Variants in ZSCAN12 observed in about 807,000 individuals in gnomAD.
ZSCAN12 encodes the protein zinc finger and SCAN domain containing 12.
ZSCAN12 carries 18 observed loss-of-function variants against 23.4 expected under a neutral mutation model. The ratio of observed to expected loss-of-function variants is 0.77; its 90% CI spans 0.53 to 1.14. ZSCAN12 has a LOEUF of 1.14. Among genes scored for constraint, ZSCAN12 ranks in the 50% most tolerant of loss-of-function variants. The probability of loss-of-function intolerance (pLI) is 0.00; values close to 1 mark genes in which losing one functional copy is unlikely to be tolerated. For synonymous variants in ZSCAN12, 186 were observed against 253.4 expected, an observed-to-expected ratio of 0.73 and a Z score of 2.53; for missense variants, 650 against 735.0, an observed-to-expected ratio of 0.88 and a Z score of 1.34.
chr6:28,391,861 G>C lies in ZSCAN12; in HGVS notation c.548-119C>G, dbSNP rs1760856991. 3.7e-6 allele frequency: 3 copies of C among 820,550 alleles called. No homozygotes were observed. Among genetic ancestry groups the C allele is most frequent in the African/African-American group, 1.7e-5 (1 of 57,700 alleles). 50.8% of individuals were successfully genotyped at this position (820,550 alleles called of 1,614,324 possible). A position where few individuals can be genotyped will look rare whatever the true frequency, so the allele number is the denominator to read the frequency against. On this transcript the variant is annotated intron_variant, in intron 3 of 3. Transcript: ENST00000684592. The surrounding 1 kb of genome is among the most constrained non-coding windows in gnomAD (Gnocchi z 4.1). Reference sequence around the variant, plus strand: ...GAGTCTACCATCTTAGTGATAAAGAGAGCAAAATATATTTGTTTCAATATG... The same window carrying C: ...GAGTCTACCATCTTAGTGATAAAGACAGCAAAATATATTTGTTTCAATATG...
rs981477303 is a variant in ZSCAN12, at chr6:28,387,099, A to G, written c.*3355T>C. Among the ~76,000 whole-genome samples the G allele has an allele frequency of 1.4e-4, 21 of 152,330 alleles. No homozygotes were observed. Among genetic ancestry groups the G allele is most frequent in the African/African-American group, 4.3e-4 (18 of 41,574 alleles). On this transcript the variant is annotated 3_prime_UTR_variant, in exon 4 of 4. Coordinates refer to ENST00000684592, the MANE Select transcript of ZSCAN12 (RefSeq NM_001163391.2). ...CTCGGCCTCCCAAAGTGCTGGGATT[A>G]TAAGTGTGAGCCACTGCACCCAGCC...
Position 28,392,951 on chromosome 6 carries a change from T to A in ZSCAN12, c.498A>T (p.Lys166Asn). Reference sequence around the variant, plus strand: ...CTGGAGATTCATACTTTGGCTGGGCTTTCATGGACTGGAGGGACATACTGG... The same window carrying A: ...CTGGAGATTCATACTTTGGCTGGGCATTCATGGACTGGAGGGACATACTGG... Reference protein sequence around the residue: ...GEPSMSLQSMKAQPKYESPEL... With the variant: ...GEPSMSLQSMNAQPKYESPEL... Residue 166 changes from lysine (K) to asparagine (N), a missense_variant, in exon 3 of 4, where the codon AAA becomes AAT. Transcript: ENST00000684592. The A allele has an allele frequency of 6.4e-7, 1 of 1,552,252 alleles. No individual in the cohort carries two copies. Among genetic ancestry groups the A allele is most frequent in the Non-Finnish European group, 8.7e-7 (1 of 1,147,096 alleles).
rs1186893333 is a variant in ZSCAN12 at position 28,391,356 on chromosome 6, G to A, written c.934C>T (p.Arg312Cys). The A allele has an allele frequency of 1.9e-6, 3 of 1,552,058 alleles. No homozygotes were observed. The highest frequency in any genetic ancestry group is 2.0e-5 in the Admixed American group (1 of 51,004). The change falls in exon 4 of 4, where the codon CGT (arginine) becomes TGT (cysteine). Residue 312 changes from arginine (R) to cysteine (C), a missense_variant. By Grantham distance (180) the Arg-to-Cys change is radical. Transcript: ENST00000684592. This position sits in a 1 kb window ranked among gnomAD's most constrained non-coding sequence, Gnocchi z 4.1. ...YKCEECGKAF[R>C]GRTVLIRHKI... Reference sequence around the variant, plus strand: ...TGTCGAATAAGCACAGTTCTCCCACGGAAAGCTTTTCCACATTCTTCGCAT... The same window carrying A: ...TGTCGAATAAGCACAGTTCTCCCACAGAAAGCTTTTCCACATTCTTCGCAT...
At chr6:28,392,639 AAGG>A (rs1260976980) in intron 3 of ZSCAN12, among the ~76,000 whole-genome samples, 13 of 152,216 alleles carry the variant, frequency 8.5e-5, no homozygotes, top group African/African-American at 3.1e-4. Flanking sequence ...TAAAAATAGC[AAGG>A]AGGTCAGTAT....
At chr6:28,393,301 CT>C (rs1015808903) in intron 2 of ZSCAN12, among the ~76,000 whole-genome samples, 5 of 150,886 alleles carry the variant, frequency 3.3e-5, no homozygotes, top group African/African-American at 1.2e-4. Flanking sequence ...TTATCTTATG[CT>C]TAAAGAAGTG....
At chr6:28,393,905 T>C (rs544808187) in intron 2 of ZSCAN12, among the ~76,000 whole-genome samples, 92 of 152,296 alleles carry the variant, frequency 6.0e-4, no homozygotes, top group Middle Eastern at 3.4e-3. Flanking sequence ...TTATTTTCTA[T>C]TTATCCAAGA....
intron 3 of ZSCAN12, 120 bp downstream of exon 3, chr6:28,392,782 C>A: frequency 8.9e-7 from 1 of 1,118,682 alleles, no homozygotes. Context: ...TATGAGCCAT[C>A]AGATTCTGAG....
chr6:28,392,937 T>C lies in ZSCAN12; in HGVS notation c.512A>G (p.Tyr171Cys). 1 of 1,552,290 alleles carries C rather than the reference T, an allele frequency of 6.4e-7. No homozygotes were observed. Among genetic ancestry groups the C allele is most frequent in the Non-Finnish European group, 8.7e-7 (1 of 1,147,102 alleles). The part of the protein sequence containing the change: ...SLQSMKAQPK[Y>C]ESPELESQQE... Reference sequence around the variant, plus strand: ...TTGGGATTCAAGTTCTGGAGATTCATACTTTGGCTGGGCTTTCATGGACTG... The same window carrying C: ...TTGGGATTCAAGTTCTGGAGATTCACACTTTGGCTGGGCTTTCATGGACTG... Residue 171 changes from tyrosine to cysteine, a missense_variant, in exon 3 of 4, where the codon TAT becomes TGT. Coordinates refer to ENST00000684592, the MANE Select transcript of ZSCAN12 (RefSeq NM_001163391.2).
At position 28,396,996 on chromosome 6, in the gene ZSCAN12, T is replaced by G. The variant is rs922390182; in HGVS notation, c.402+1008A>C. Among the ~76,000 whole-genome samples the G allele has an allele frequency of 5.9e-5, 9 of 152,338 alleles. No homozygotes were observed. The East Asian group carries it at 1.7e-3, about 29-fold the overall frequency. Reference sequence around the variant, plus strand: ...CACAGTGCTAGATTATACTTCTGTTTCATTATTTCCCTAAGTTTCAAACTC... The same window carrying G: ...CACAGTGCTAGATTATACTTCTGTTGCATTATTTCCCTAAGTTTCAAACTC... On this transcript the variant is annotated intron_variant, in intron 2 of 3. Transcript: ENST00000684592.
chr6:28,381,829 A>T (rs552057022), downstream of ZSCAN12: 31 of 152,362 alleles, frequency 2.0e-4, no homozygotes, highest in African/African-American at 6.3e-4. Context: ...TGAGACCTAA[A>T]GGCAATGTGA....
chr6:28,381,888 A>T (rs924799082), downstream of ZSCAN12: 7 of 152,216 alleles, frequency 4.6e-5, no homozygotes, highest in Admixed American at 1.3e-4. Flanking sequence ...CTAAGTTAAA[A>T]CACCCAACAA....
At chr6:28,380,980 G>T (rs927703988), downstream of ZSCAN12, 1 of 152,252 alleles carries the variant, frequency 6.6e-6, no homozygotes, top group Non-Finnish European at 1.5e-5. Flanking sequence ...TAAAGTGCAT[G>T]CCTTTTCTAA....
chr6:28,382,691 ACT>A (rs1760321726), downstream of ZSCAN12: 1 of 1,471,190 alleles, frequency 6.8e-7, no homozygotes, highest in African/African-American at 1.4e-5. Flanking sequence ...TGAACAAGGC[ACT>A]GAAAGAAAAC....
chr6:28,385,769 C>A lies in ZSCAN12; in HGVS notation c.*4685G>T, dbSNP rs1760512383. Reference sequence around the variant, plus strand: ...GTGTGCGGTATTGTCATTAATAAATCCTTTTCTCAATTCCAAAAGATGGCC... The same window carrying A: ...GTGTGCGGTATTGTCATTAATAAATACTTTTCTCAATTCCAAAAGATGGCC... On this transcript the variant is annotated 3_prime_UTR_variant, in exon 4 of 4. Transcript: ENST00000684592. Among the ~76,000 whole-genome samples, 1 of 152,196 alleles carries A rather than the reference C, an allele frequency of 6.6e-6. No homozygotes were observed. The highest frequency in any genetic ancestry group is 2.1e-4 in the South Asian group (1 of 4,830).
chr6:28,381,247 T>C (rs1288323415), downstream of ZSCAN12: 2 of 152,262 alleles, frequency 1.3e-5, no homozygotes, highest in Non-Finnish European at 2.9e-5. Context: ...TTAAAAGGAC[T>C]ATTTCTACTC....
intron 3 of ZSCAN12, among the ~76,000 whole-genome samples, chr6:28,392,291 C>T (rs2113984422): frequency 6.6e-6 from 1 of 151,904 alleles, no homozygotes; most frequent in Admixed American, 6.5e-5. Context: ...GATTCTCCTG[C>T]CTCAGCCTCC....
rs1303497215 is a variant in ZSCAN12, at chr6:28,398,091, C to T, written c.315G>A (p.Trp105Ter). Reference protein sequence around the residue: ...LTILPEELQAWVQEQHPESGE... With the variant: ...LTILPEELQA ...CACTCTCTGGATGCTGCTCCTGCACCCAGGCCTGGAGCTCCTCAGGTAGGA... is the reference window on the plus strand; with the variant it reads ...CACTCTCTGGATGCTGCTCCTGCACTCAGGCCTGGAGCTCCTCAGGTAGGA... Residue 105 changes from tryptophan (W) to a stop codon, truncating the protein, a stop_gained, in exon 2 of 4, where the codon TGG becomes TGA. Transcript: ENST00000684592. LOFTEE classifies it high-confidence loss of function. The T allele has an allele frequency of 2.5e-6, 4 of 1,614,050 alleles. No homozygotes were observed. Among genetic ancestry groups the T allele is most frequent in the Admixed American group, 3.3e-5 (2 of 60,022 alleles).
chr6:28,391,744 TAAG>T lies in ZSCAN12; in HGVS notation c.548-5_548-3del, dbSNP rs1359961136. 2 of 1,509,798 alleles carry T rather than the reference TAAG, an allele frequency of 1.3e-6. No homozygotes were observed. The highest frequency in any genetic ancestry group is 2.8e-5 in the African/African-American group (2 of 71,322). 93.5% of individuals were successfully genotyped at this position (1,509,798 alleles called of 1,614,324 possible). Reference sequence around the variant, plus strand: ...CATTTCCAGTCTCAACATCTAAAACTAAGAAGGGATCATAAATGTTACCTCTTT... The same window carrying T: ...CATTTCCAGTCTCAACATCTAAAACTAAGGGATCATAAATGTTACCTCTTT... On this transcript the variant is annotated splice_polypyrimidine_tract_variant and splice_region_variant and intron_variant, in intron 3 of 3. Transcript: ENST00000684592. The surrounding 1 kb of genome is among the most constrained non-coding windows in gnomAD (Gnocchi z 4.1).
downstream of ZSCAN12, chr6:28,380,375 T>C (rs1760171103): frequency 6.6e-6 from 1 of 152,232 alleles, no homozygotes; most frequent in African/African-American, 2.4e-5. Context: ...ATCTCCACAT[T>C]CATCATGTTT....
Sources: gnomAD v4.1 joint callset for allele counts (sites outside exome capture counted in the v4.1 genomes callset) on GRCh38, gnomAD v4.1.1 for gene constraint, Gnocchi (gnomAD v3.1) non-coding constraint, MANE v1.5 for transcripts, NCBI Gene and HGNC (gene_info 2026-07-23, HGNC 2026-07-21) for gene names.